NAALADL2: variants seen among roughly 807,000 people sequenced by gnomAD.
NAALADL2 encodes inactive N-acetylated-alpha-linked acidic dipeptidase-like protein 2.
NAALADL2 carries 76 observed loss-of-function variants against 87.2 expected under a neutral mutation model. The observed-to-expected ratio is 0.87, with a 90% confidence interval of 0.72 to 1.05. The LOEUF (loss-of-function observed/expected upper bound fraction) is 1.05. NAALADL2 is among the 50% of genes least tolerant of loss of function. The pLI is 0.00. For synonymous variants in NAALADL2, 354 were observed against 331.0 expected, an observed-to-expected ratio of 1.07 and a Z score of -0.75; for missense variants, 1,089 against 945.8, an observed-to-expected ratio of 1.15 and a Z score of -1.99.
upstream of NAALADL2, among the ~76,000 whole-genome samples, chr3:174,854,529 T>A (rs1322305132): frequency 6.6e-6 from 1 of 152,024 alleles, no homozygotes; most frequent in Non-Finnish European, 1.5e-5. Flanking sequence ...TCATTAAGAG[T>A]GAAATTGTAA....
At chr3:175,317,485 G>A (rs1033012376) in intron 4 of NAALADL2, among the ~76,000 whole-genome samples, 2 of 151,712 alleles carry the variant, frequency 1.3e-5, no homozygotes, top group Non-Finnish European at 2.9e-5. Context: ...CAGTTAATTG[G>A]AGTTAGCTCT....
intron 1 of NAALADL2, 90 bp downstream of exon 1, chr3:174,859,540 C>A: frequency 9.7e-7 from 1 of 1,026,414 alleles, no homozygotes; most frequent in Non-Finnish European, 1.5e-6. Context: ...TCTGTGTATG[C>A]ACACACGCAT....
At chr3:174,744,895 C>T (rs1316109233) in intron 3 of NAALADL2, among the ~76,000 whole-genome samples, 1 of 152,060 alleles carries the variant, frequency 6.6e-6, no homozygotes, top group Non-Finnish European at 1.5e-5. Context: ...TTCTTTGAAA[C>T]CAGTGAGAAC....
At chr3:174,857,217 G>A (rs573485349), upstream of NAALADL2, among the ~76,000 whole-genome samples, 1 of 152,244 alleles carries the variant, frequency 6.6e-6, no homozygotes, top group African/African-American at 2.4e-5. Flanking sequence ...GTTAAAAAAC[G>A]TCCTGGAAGA....
chr3:175,530,324 C>T (rs537948006), intron 9 of NAALADL2, among the ~76,000 whole-genome samples: 4 of 152,172 alleles, frequency 2.6e-5, no homozygotes, highest in East Asian at 1.9e-4. Flanking sequence ...ATTTATTTGT[C>T]GCCAATTTTC....
At chr3:175,175,428 C>T (rs539634931) in intron 2 of NAALADL2, among the ~76,000 whole-genome samples, 1 of 152,014 alleles carries the variant, frequency 6.6e-6, no homozygotes, top group Non-Finnish European at 1.5e-5. Flanking sequence ...AAACAATGTC[C>T]TTTGTTATGT....
intron 4 of NAALADL2, among the ~76,000 whole-genome samples, chr3:175,299,901 C>T (rs140587526): frequency 2.3e-4 from 35 of 152,278 alleles, no homozygotes; most frequent in African/African-American, 7.9e-4. Context: ...TTTGCCCATT[C>T]ATTATGATAT....
chr3:174,606,972 C>T lies in NAALADL2; in HGVS notation c.-115+56335C>T, dbSNP rs1301976007. On this transcript the variant is annotated intron_variant, in intron 2 of 3. Transcript: ENST00000434257. ...ATCAGACTAACAGCGGATCTCTCGG[C>T]AGAAACTCTACAAGCCAGAAGAGAG... Among the ~76,000 whole-genome samples, 6 of 152,266 alleles carry T rather than the reference C, an allele frequency of 3.9e-5. No individual in the cohort carries two copies. In the South Asian group the frequency reaches 1.2e-3, roughly 32 times the overall value.
At chr3:175,304,016 T>C (rs1205110941) in intron 4 of NAALADL2, among the ~76,000 whole-genome samples, 1 of 152,070 alleles carries the variant, frequency 6.6e-6, no homozygotes, top group Admixed American at 6.6e-5. Context: ...AGGATTTTTT[T>C]TTTTTTACAT....
chr3:174,572,329 T>C (rs1715023605), intron 2 of NAALADL2, among the ~76,000 whole-genome samples: 1 of 152,148 alleles, frequency 6.6e-6, no homozygotes, highest in Non-Finnish European at 1.5e-5. Flanking sequence ...AAAAAATTGA[T>C]TGCATTAAAT....
rs371377647 is a variant in NAALADL2, at chr3:174,746,565, AATTAG to A, written c.-9+8821_-9+8825del. On this transcript the variant is annotated intron_variant, in intron 3 of 3. Transcript: ENST00000434257. ...AAACTACTATTGACTTTCTTCACAG[AATTAG>A]AAAAAAAAAGCTTTAAAATTTATAT... Among the ~76,000 whole-genome samples the A allele has an allele frequency of 2.6e-4, 40 of 152,284 alleles. No individual in the cohort carries two copies. The East Asian group carries it at 7.1e-3, about 27-fold the overall frequency.
intron 9 of NAALADL2, among the ~76,000 whole-genome samples, chr3:175,571,885 A>G (rs1002210853): frequency 6.6e-6 from 1 of 152,212 alleles, no homozygotes; most frequent in Non-Finnish European, 1.5e-5. Flanking sequence ...CTTTGAAGCT[A>G]GTTAGAAACA....
intron 9 of NAALADL2, among the ~76,000 whole-genome samples, chr3:175,505,137 A>G (rs1730121013): frequency 6.6e-6 from 1 of 151,898 alleles, no homozygotes; most frequent in Non-Finnish European, 1.5e-5. Flanking sequence ...GAGAAACTCT[A>G]CCTAGTTACA....
intron 1 of NAALADL2, chr3:174,864,158 G>A: frequency 2.3e-6 from 1 of 436,282 alleles, no homozygotes; most frequent in Non-Finnish European, 4.6e-6. Flanking sequence ...ACATTTTCCA[G>A]GTACAAGAGA....
intron 10 of NAALADL2, among the ~76,000 whole-genome samples, chr3:175,591,784 GTATATATATATATATATATATA>G (rs57196350): frequency 0.03 from 4,142 of 136,740 alleles, 172 homozygotes; most frequent in African/African-American, 0.085. Flanking sequence ...GTGTGTGTGT[GTATATATATATATATATATATA>G]TATATATATA....
chr3:174,576,732 T>C (rs935984538), intron 2 of NAALADL2, among the ~76,000 whole-genome samples: 1 of 152,204 alleles, frequency 6.6e-6, no homozygotes, highest in African/African-American at 2.4e-5. Flanking sequence ...TCAAGGGAAC[T>C]TGTTGCATGT....
intron 1 of NAALADL2, among the ~76,000 whole-genome samples, chr3:174,541,298 G>T (rs957363470): frequency 6.6e-6 from 1 of 152,136 alleles, no homozygotes; most frequent in African/African-American, 2.4e-5. Flanking sequence ...TCTGTTAACA[G>T]ATTTTTTTGA....
At chr3:175,642,673 T>C (rs1413842454) in intron 11 of NAALADL2, among the ~76,000 whole-genome samples, 2 of 152,072 alleles carry the variant, frequency 1.3e-5, no homozygotes, top group Non-Finnish European at 2.9e-5. Flanking sequence ...GCTAATTTTG[T>C]GTATTTTTAG....
At chr3:174,931,181 A>G (rs912362102) in intron 1 of NAALADL2, among the ~76,000 whole-genome samples, 3 of 152,294 alleles carry the variant, frequency 2.0e-5, no homozygotes, top group African/African-American at 7.2e-5. Flanking sequence ...AAAACCATGT[A>G]ATGACCAACC....
Sources: allele counts gnomAD v4.1 joint callset (sites outside exome capture counted in the v4.1 genomes callset), GRCh38; gene constraint gnomAD v4.1.1; transcripts MANE v1.5; gene names NCBI Gene and HGNC (gene_info 2026-07-23, HGNC 2026-07-21).